TNIK: variants seen among roughly 807,000 people sequenced by gnomAD.
TNIK encodes TRAF2 and NCK-interacting protein kinase.
In TNIK, 49 loss-of-function variants were observed where a neutral mutation model predicts 191.3. The ratio of observed to expected loss-of-function variants is 0.26; its 90% CI spans 0.20 to 0.32. The LOEUF (loss-of-function observed/expected upper bound fraction) is 0.32. TNIK is among the 10% of genes least tolerant of loss of function. TNIK has a pLI of 1.00. For synonymous variants in TNIK, 594 were observed against 600.9 expected, an observed-to-expected ratio of 0.99 and a Z score of 0.17; for missense variants, 1,155 against 1,702.3, an observed-to-expected ratio of 0.68 and a Z score of 5.66.
intron 1 of TNIK, among the ~76,000 whole-genome samples, chr3:171,390,233 T>C (rs925429652): frequency 2.6e-5 from 4 of 152,216 alleles, no homozygotes; most frequent in Non-Finnish European, 5.9e-5. Context: ...ATCAGCCATA[T>C]GGAAGAGATC....
At chr3:171,403,818 A>T (rs1250102930) in intron 1 of TNIK, among the ~76,000 whole-genome samples, 2 of 152,170 alleles carry the variant, frequency 1.3e-5, no homozygotes, top group Non-Finnish European at 2.9e-5. Context: ...AACCATGTGA[A>T]AGTACTACCT....
chr3:171,175,858 G>T (rs995626433), intron 8 of TNIK, among the ~76,000 whole-genome samples: 5 of 152,102 alleles, frequency 3.3e-5, no homozygotes, highest in Admixed American at 1.3e-4. Flanking sequence ...CAGATATCCC[G>T]AATGGCTTTT....
intron 15 of TNIK, among the ~76,000 whole-genome samples, chr3:171,137,106 TC>T (rs1480627362): frequency 2.4e-5 from 3 of 127,058 alleles, no homozygotes; most frequent in Non-Finnish European, 3.3e-5. Context: ...TTTTTAAAAA[TC>T]CTTTTTTTTT....
Position 171,140,521 on chromosome 3 carries a change from C to T in TNIK, c.1222-12G>A, listed in dbSNP as rs974726665. On this transcript the variant is annotated splice_polypyrimidine_tract_variant and intron_variant, in intron 12 of 32. Transcript: ENST00000436636. ...TCTCGCCTTTGTTGCTGTGGGGCAACAAGCAGACAACCATGAAGGCAACAG... is the reference window on the plus strand; with the variant it reads ...TCTCGCCTTTGTTGCTGTGGGGCAATAAGCAGACAACCATGAAGGCAACAG... 1.9e-6 allele frequency: 3 copies of T among 1,612,828 alleles called. No homozygotes were observed. The highest frequency in any genetic ancestry group is 2.5e-6 in the Non-Finnish European group (3 of 1,179,708).
In TNIK at chr3:171,356,412, C is replaced by T. The variant is rs181128067; in HGVS notation, c.123+13208G>A. Among the ~76,000 whole-genome samples, 287 of 152,154 alleles carry T rather than the reference C, an allele frequency of 1.9e-3. 1 individual carries two copies. Among genetic ancestry groups the T allele is most frequent in the African/African-American group, 6.6e-3 (276 of 41,528 alleles). On this transcript the variant is annotated intron_variant, in intron 2 of 32. Transcript: ENST00000436636. ...GGAAAACACAATTGTGTTTGTTGTA[C>T]AAAAACACAGTGTCCCCATTTACTA...
At chr3:171,444,829 A>T (rs1727281771) in intron 1 of TNIK, among the ~76,000 whole-genome samples, 1 of 152,168 alleles carries the variant, frequency 6.6e-6, no homozygotes, top group South Asian at 2.1e-4. Context: ...CTATTCTGCA[A>T]CATTTTCAGG....
intron 27 of TNIK, among the ~76,000 whole-genome samples, chr3:171,079,877 C>T (rs1034211330): frequency 6.6e-6 from 1 of 152,172 alleles, no homozygotes; most frequent in Non-Finnish European, 1.5e-5. Context: ...ATTACAATGT[C>T]TTTTATCTTC....
At chr3:171,182,284 A>G (rs1736765291) in intron 7 of TNIK, among the ~76,000 whole-genome samples, 1 of 145,208 alleles carries the variant, frequency 6.9e-6, no homozygotes, top group Non-Finnish European at 1.5e-5. Flanking sequence ...TCAACTGCCC[A>G]TGCTAGAAAG....
chr3:171,459,299 C>T (rs995715524), intron 1 of TNIK, among the ~76,000 whole-genome samples: 16 of 151,876 alleles, frequency 1.1e-4, no homozygotes, highest in African/African-American at 3.6e-4. Flanking sequence ...AAACACATCC[C>T]TTTCACCTGC....
intron 1 of TNIK, among the ~76,000 whole-genome samples, chr3:171,405,716 C>T (rs1721582997): frequency 6.6e-6 from 1 of 152,268 alleles, no homozygotes; most frequent in East Asian, 1.9e-4. Context: ...TTCTACAGAG[C>T]ATCCCAAAAT....
intron 2 of TNIK, among the ~76,000 whole-genome samples, chr3:171,304,203 G>A (rs114489913): frequency 1.1e-4 from 16 of 152,274 alleles, no homozygotes; most frequent in African/African-American, 3.6e-4. Context: ...TAGGTCAGCA[G>A]GTGCCAAGAA....
At chr3:171,277,628 A>G (rs769378470) in intron 2 of TNIK, among the ~76,000 whole-genome samples, 4 of 152,160 alleles carry the variant, frequency 2.6e-5, no homozygotes, top group Non-Finnish European at 5.9e-5. Context: ...AGCAAACTAA[A>G]CCCTGCTCAG....
At chr3:171,282,625 T>C (rs1388900367) in intron 2 of TNIK, among the ~76,000 whole-genome samples, 2 of 152,176 alleles carry the variant, frequency 1.3e-5, no homozygotes, top group African/African-American at 2.4e-5. Context: ...ATTACAGGCA[T>C]GAGCCACCAC....
intron 2 of TNIK, among the ~76,000 whole-genome samples, chr3:171,324,044 A>G (rs6444979): frequency 0.29 from 44,759 of 151,820 alleles, 6,761 homozygotes; most frequent in African/African-American, 0.35. Context: ...TTTAAAAAAC[A>G]AAACGAAAAC....
intron 2 of TNIK, among the ~76,000 whole-genome samples, chr3:171,245,131 T>A (rs1745450813): frequency 6.6e-6 from 1 of 152,200 alleles, no homozygotes; most frequent in South Asian, 2.1e-4. Flanking sequence ...CGTGTTGTAC[T>A]TCTATCTCCA....
intron 4 of TNIK, among the ~76,000 whole-genome samples, chr3:171,208,627 G>A (rs971213344): frequency 2.5e-4 from 38 of 151,562 alleles, no homozygotes; most frequent in African/African-American, 6.8e-4. Context: ...ACACTATCTC[G>A]GCTTACTGCA....
At chr3:171,184,010 G>T (rs1394552524) in intron 7 of TNIK, among the ~76,000 whole-genome samples, 2 of 146,552 alleles carry the variant, frequency 1.4e-5, no homozygotes, top group East Asian at 2.1e-4. Context: ...TATATACTAA[G>T]TACTATATAT....
chr3:171,138,589 T>A (rs1226079355), intron 14 of TNIK, among the ~76,000 whole-genome samples: 2 of 152,166 alleles, frequency 1.3e-5, no homozygotes, highest in African/African-American at 4.8e-5. Context: ...TGTCATTTAA[T>A]GAAAACGCTA....
intron 32 of TNIK, among the ~76,000 whole-genome samples, chr3:171,065,584 T>A (rs1165680186): frequency 6.6e-6 from 1 of 152,220 alleles, no homozygotes; most frequent in African/African-American, 2.4e-5. Context: ...TGCTGCAGAA[T>A]ACCCCTCTGA....
Sources: gnomAD v4.1 joint callset for allele counts (sites outside exome capture counted in the v4.1 genomes callset) on GRCh38, gnomAD v4.1.1 for gene constraint, MANE v1.5 for transcripts, NCBI Gene and HGNC (gene_info 2026-07-23, HGNC 2026-07-21) for gene names.